The following RANBP2 variants were observed in gnomAD, a reference collection of about 807,000 sequenced individuals.
The protein encoded by RANBP2 is RAN binding protein 2.
A neutral mutation model predicts 303.6 loss-of-function variants in RANBP2; 57 were observed. That is an observed-to-expected ratio of 0.19 (90% CI 0.15 to 0.23). The LOEUF (loss-of-function observed/expected upper bound fraction) is 0.23. Ranked by LOEUF, RANBP2 falls within the 10% of genes least tolerant of loss-of-function variation. The probability of loss-of-function intolerance (pLI) is 1.00; values close to 1 mark genes in which losing one functional copy is unlikely to be tolerated. For synonymous variants in RANBP2, 1,167 were observed against 1,301.5 expected (o/e 0.90, Z 2.23); for missense variants, 3,138 against 3,780.8 (o/e 0.83, Z 4.46).
At chr2:109,160,189 A>G in the RANBP2 span, among the ~76,000 whole-genome samples, 1 of 152,158 alleles carries the variant, frequency 6.6e-6, no homozygotes, top group African/African-American at 2.4e-5. Flanking sequence ...CTCTGCCCTC[A>G]GGAAGCTGAG....
the RANBP2 span, among the ~76,000 whole-genome samples, chr2:109,049,363 G>A: frequency 6.6e-6 from 1 of 152,186 alleles, no homozygotes; most frequent in African/African-American, 2.4e-5. Context: ...ACATGCCCCT[G>A]GGAGGCGTGT....
At chr2:109,347,755 G>A in the RANBP2 span, 98 of 1,613,848 alleles carry the variant, frequency 6.1e-5, no homozygotes, top group Non-Finnish European at 7.6e-5. Flanking sequence ...CAACAAGGGG[G>A]ACATCATCGT....
chr2:109,336,747 A>G, the RANBP2 span, among the ~76,000 whole-genome samples: 3 of 152,388 alleles, frequency 2.0e-5, no homozygotes, highest in African/African-American at 4.8e-5. Context: ...GATTTCCATT[A>G]CAAAGTTGGC....
the RANBP2 span, among the ~76,000 whole-genome samples, chr2:109,361,247 T>G: frequency 6.6e-6 from 1 of 152,216 alleles, no homozygotes; most frequent in East Asian, 1.9e-4. Context: ...TTGAGGATAT[T>G]TGCGTTTATG....
chr2:109,694,689 G>A, the RANBP2 span, among the ~76,000 whole-genome samples: 1 of 152,072 alleles, frequency 6.6e-6, no homozygotes, highest in Admixed American at 6.5e-5. Context: ...GCTCCAATGA[G>A]CATTTCCTTT....
the RANBP2 span, among the ~76,000 whole-genome samples, chr2:109,121,375 G>A: frequency 2.4e-4 from 36 of 152,176 alleles, no homozygotes; most frequent in African/African-American, 8.2e-4. Flanking sequence ...TCCTTTCTAG[G>A]AATAAAAAAA....
the RANBP2 span, among the ~76,000 whole-genome samples, chr2:109,435,615 G>A: frequency 6.6e-6 from 1 of 152,210 alleles, no homozygotes; most frequent in African/African-American, 2.4e-5. Flanking sequence ...AGTAGGACTA[G>A]CCAAGGGTAT....
the RANBP2 span, among the ~76,000 whole-genome samples, chr2:109,186,892 A>G: frequency 1.3e-5 from 2 of 152,240 alleles, no homozygotes; most frequent in Non-Finnish European, 2.9e-5. Context: ...CTGTGGGTCC[A>G]TATATTCACC....
At chr2:109,673,506 T>C in the RANBP2 span, among the ~76,000 whole-genome samples, 4 of 152,202 alleles carry the variant, frequency 2.6e-5, no homozygotes, top group African/African-American at 9.7e-5. Context: ...TTTGCCTTGC[T>C]TTACCTGACC....
At chr2:109,524,177 A>T in the RANBP2 span, among the ~76,000 whole-genome samples, 1 of 152,174 alleles carries the variant, frequency 6.6e-6, no homozygotes, top group African/African-American at 2.4e-5. Flanking sequence ...TCCATTGCAC[A>T]AATAAAAACT....
chr2:109,303,107 C>T, the RANBP2 span, among the ~76,000 whole-genome samples: 1 of 152,182 alleles, frequency 6.6e-6, no homozygotes, highest in African/African-American at 2.4e-5. Context: ...AACTCCTGAC[C>T]TCAGGTGATC....
the RANBP2 span, among the ~76,000 whole-genome samples, chr2:108,915,738 AG>A: frequency 7.8e-3 from 1,194 of 152,140 alleles, 19 homozygotes; most frequent in African/African-American, 0.027. Flanking sequence ...CTCTACTAAA[AG>A]TACAAAAATT....
the RANBP2 span, among the ~76,000 whole-genome samples, chr2:109,473,314 C>T: frequency 6.6e-6 from 1 of 152,198 alleles, no homozygotes; most frequent in Non-Finnish European, 1.5e-5. Flanking sequence ...TGGCCATGGG[C>T]AGCTGTGCCT....
chr2:109,171,786 G>A, the RANBP2 span, among the ~76,000 whole-genome samples: 6 of 152,368 alleles, frequency 3.9e-5, no homozygotes, highest in South Asian at 6.2e-4. Context: ...TCCCGGCCAC[G>A]CTCACTTGCA....
chr2:109,733,203 T>C, the RANBP2 span: 1 of 421,092 alleles, frequency 2.4e-6, no homozygotes, highest in Non-Finnish European at 4.7e-6. Flanking sequence ...AAAAGCTGAC[T>C]CCATCTGCTA....
chr2:109,322,813 T>C, the RANBP2 span, among the ~76,000 whole-genome samples: 1 of 152,256 alleles, frequency 6.6e-6, no homozygotes, highest in Non-Finnish European at 1.5e-5. Context: ...TTCTGGTGCC[T>C]GCAAATCTCC....
At chr2:109,139,731 C>T in the RANBP2 span, among the ~76,000 whole-genome samples, 11 of 152,220 alleles carry the variant, frequency 7.2e-5, no homozygotes, top group Non-Finnish European at 1.3e-4. Flanking sequence ...TTGAGCCTCA[C>T]AGTGCAGAAG....
chr2:109,027,339 G>A, the RANBP2 span, among the ~76,000 whole-genome samples: 1 of 152,048 alleles, frequency 6.6e-6, no homozygotes, highest in African/African-American at 2.4e-5. Flanking sequence ...GCATTGCAGA[G>A]GTCTCCTGGG....
the RANBP2 span, among the ~76,000 whole-genome samples, chr2:109,405,199 C>A: frequency 6.6e-6 from 1 of 152,128 alleles, no homozygotes; most frequent in African/African-American, 2.4e-5. Context: ...CCTGGAGAGA[C>A]GCCTCAACTT....
Sources: allele counts gnomAD v4.1 joint callset (sites outside exome capture counted in the v4.1 genomes callset), GRCh38; gene constraint gnomAD v4.1.1; transcripts MANE v1.5; gene names NCBI Gene and HGNC (gene_info 2026-07-23, HGNC 2026-07-21).